The following HIRA variants were observed in gnomAD, a reference collection of about 807,000 sequenced individuals.
The protein encoded by HIRA is histone cell cycle regulator.
In HIRA, 13 loss-of-function variants were observed where a neutral mutation model predicts 126.6. The ratio of observed to expected loss-of-function variants is 0.10; its 90% CI spans 0.07 to 0.16. HIRA has a LOEUF of 0.16. Among genes scored for constraint, HIRA ranks in the 10% least tolerant of loss-of-function variants. The pLI is 1.00. For missense variants in HIRA, 834 were observed against 1,314.4 expected (o/e 0.63, Z 5.65); for synonymous variants, 511 against 520.0 (o/e 0.98, Z 0.24).
chr22:19,353,938 C>T, intron 22 of HIRA, 58 bp downstream of exon 22: 2 of 1,592,586 alleles, frequency 1.3e-6, no homozygotes, highest in Non-Finnish European at 1.7e-6. Context: ...GTGCACTGAC[C>T]CAGGCACTTC....
intron 24 of HIRA, among the ~76,000 whole-genome samples, chr22:19,343,264 G>T (rs1379693294): frequency 6.6e-6 from 1 of 152,124 alleles, no homozygotes; most frequent in Non-Finnish European, 1.5e-5. Context: ...TCAAAAGAAA[G>T]AAAGAGGCCA....
At chr22:19,429,240 C>T (rs1221375129) in intron 1 of HIRA, among the ~76,000 whole-genome samples, 2 of 145,384 alleles carry the variant, frequency 1.4e-5, no homozygotes, top group South Asian at 2.2e-4. Context: ...CGGGCTCAAG[C>T]GATTCTCCTG....
intron 5 of HIRA, 78 bp from the exon 6 acceptor site, chr22:19,398,165 G>C: frequency 9.8e-7 from 1 of 1,023,978 alleles, no homozygotes. Flanking sequence ...AGTGCCCCTG[G>C]GACCTGGGAC....
intron 18 of HIRA, 101 bp downstream of exon 18, chr22:19,359,235 T>A: frequency 8.0e-7 from 1 of 1,246,662 alleles, no homozygotes; most frequent in South Asian, 1.8e-5. Context: ...TGGGAGCTGG[T>A]GCTCCCAGGG....
At position 19,351,531 on chromosome 22, in the gene HIRA, A is replaced by C; in HGVS notation, c.2849-85T>G. The stretch of plus-strand genomic sequence containing the variant: ...ATTACAAAAAGAAATAAAATCAAGA[A>C]TATGTTGTTGTGTCTATCAAATCAG... On this transcript the variant is annotated intron_variant, in intron 23 of 24. Transcript: ENST00000263208. This position sits in a 1 kb window ranked among gnomAD's most constrained non-coding sequence, Gnocchi z 4.8. The C allele has an allele frequency of 9.5e-7, 1 of 1,057,622 alleles. No homozygotes were observed. Among genetic ancestry groups the C allele is most frequent in the Non-Finnish European group, 1.4e-6 (1 of 699,898 alleles). 65.5% of individuals were successfully genotyped at this position (1,057,622 alleles called of 1,614,324 possible). A position where few individuals can be genotyped will look rare whatever the true frequency, so the allele number is the denominator to read the frequency against.
chr22:19,344,321 A>G (rs2146177019), intron 24 of HIRA, among the ~76,000 whole-genome samples: 1 of 152,302 alleles, frequency 6.6e-6, no homozygotes, highest in South Asian at 2.1e-4. Context: ...TGAAAATCAA[A>G]AATGAAAGCA....
intron 10 of HIRA, 57 bp from the exon 11 acceptor site, chr22:19,387,873 C>T: frequency 7.8e-7 from 1 of 1,289,528 alleles, no homozygotes; most frequent in Non-Finnish European, 1.1e-6. Flanking sequence ...GACACATGTG[C>T]CGCAGTAGCT....
At chr22:19,412,917 T>C (rs2089365572) in intron 1 of HIRA, among the ~76,000 whole-genome samples, 1 of 152,168 alleles carries the variant, frequency 6.6e-6, no homozygotes, top group African/African-American at 2.4e-5. Flanking sequence ...AGATGTCCAC[T>C]GATGGACACT....
intron 15 of HIRA, among the ~76,000 whole-genome samples, chr22:19,371,038 T>G (rs549323455): frequency 6.6e-6 from 1 of 152,180 alleles, no homozygotes; most frequent in East Asian, 1.9e-4. Context: ...ACATGAGAGA[T>G]AAGGGCCACA....
chr22:19,420,715 T>TA (rs35873008), intron 1 of HIRA, among the ~76,000 whole-genome samples: 22,163 of 149,164 alleles, frequency 0.15, 3,494 homozygotes, highest in African/African-American at 0.4. Flanking sequence ...ACCTTGTCTT[T>TA]AAAAAAAAAA....
chr22:19,424,863 G>A (rs186368980), intron 1 of HIRA, among the ~76,000 whole-genome samples: 1 of 152,282 alleles, frequency 6.6e-6, no homozygotes, highest in East Asian at 1.9e-4. Flanking sequence ...CAGCTTCAGG[G>A]TGCATTAATT....
chr22:19,404,120 A>C (rs1218142261), intron 5 of HIRA, among the ~76,000 whole-genome samples: 1 of 152,126 alleles, frequency 6.6e-6, no homozygotes, highest in Non-Finnish European at 1.5e-5. Context: ...TAAATATACC[A>C]AGTATATATT....
intron 24 of HIRA, among the ~76,000 whole-genome samples, chr22:19,335,178 C>A (rs1401845825): frequency 6.6e-6 from 1 of 152,068 alleles, no homozygotes; most frequent in Non-Finnish European, 1.5e-5. Flanking sequence ...CATGCCACTT[C>A]ACTTCTACAT....
At position 19,405,813 on chromosome 22, in the gene HIRA, C is replaced by T; in HGVS notation, c.370G>A (p.Val124Ile). 1.3e-6 allele frequency: 2 copies of T among 1,492,822 alleles called. No individual in the cohort carries two copies. Among genetic ancestry groups the T allele is most frequent in the Non-Finnish European group, 1.8e-6 (2 of 1,113,536 alleles). The allele number at this position is 1,492,822 out of a possible 1,614,324, so 92.5% of individuals were successfully genotyped here. ...KLANVEQWRC[V>I]SILRNHSGDV... ...CCTGAATGATTCCGGAGGATAGAGA[C>T]ACACCGCCACTGCTCCACATTGGCA... The change falls in exon 5 of 25, where the codon GTC becomes ATC. Residue 124 changes from valine (V) to isoleucine (I), a missense_variant. Coordinates refer to ENST00000263208, the MANE Select transcript of HIRA (RefSeq NM_003325.4).
At chr22:19,384,924 G>A (rs1345040882) in intron 12 of HIRA, among the ~76,000 whole-genome samples, 1 of 152,076 alleles carries the variant, frequency 6.6e-6, no homozygotes, top group Non-Finnish European at 1.5e-5. Flanking sequence ...AAAGTGCTGG[G>A]ATTACAGGGG....
intron 24 of HIRA, among the ~76,000 whole-genome samples, chr22:19,335,205 C>G (rs1448843416): frequency 6.6e-6 from 1 of 151,948 alleles, no homozygotes; most frequent in Non-Finnish European, 1.5e-5. Flanking sequence ...TAATTACAAA[C>G]TACATTTTCA....
intron 14 of HIRA, among the ~76,000 whole-genome samples, chr22:19,377,432 A>T (rs1601829130): frequency 6.6e-6 from 1 of 152,130 alleles, no homozygotes; most frequent in East Asian, 1.9e-4. Flanking sequence ...CTGTGAGTGA[A>T]TATAATTCTG....
chr22:19,413,905 G>A lies in HIRA; in HGVS notation c.38-3127C>T, dbSNP rs181036612. Among the ~76,000 whole-genome samples, 8 of 152,038 alleles carry A rather than the reference G, an allele frequency of 5.3e-5. No homozygotes were observed. In the East Asian group the frequency reaches 9.7e-4, roughly 18 times the overall value. On this transcript the variant is annotated intron_variant, in intron 1 of 24. Coordinates refer to ENST00000263208, the MANE Select transcript of HIRA (RefSeq NM_003325.4). Reference sequence around the variant, plus strand: ...GATTACAGGGGTAATCCCGGCCACCGTGCCCGGCCAGGAATGAACCTCTTC... The same window carrying A: ...GATTACAGGGGTAATCCCGGCCACCATGCCCGGCCAGGAATGAACCTCTTC...
At chr22:19,386,199 G>T (rs2089125559) in intron 11 of HIRA, among the ~76,000 whole-genome samples, 1 of 152,194 alleles carries the variant, frequency 6.6e-6, no homozygotes, top group South Asian at 2.1e-4. Flanking sequence ...CCATTGGCCT[G>T]CTTAGTGTCT....
Sources: gnomAD v4.1 joint callset for allele counts (sites outside exome capture counted in the v4.1 genomes callset) on GRCh38, gnomAD v4.1.1 for gene constraint, Gnocchi (gnomAD v3.1) non-coding constraint, MANE v1.5 for transcripts, NCBI Gene and HGNC (gene_info 2026-07-23, HGNC 2026-07-21) for gene names.